The following TNRC6B variants were observed in gnomAD, a reference collection of about 807,000 sequenced individuals.
TNRC6B encodes the protein trinucleotide repeat-containing gene 6B protein.
TNRC6B carries 52 observed loss-of-function variants against 203.6 expected under a neutral mutation model. That is an observed-to-expected ratio of 0.26 (90% confidence interval 0.20 to 0.32). TNRC6B has a LOEUF of 0.32. Ranked by LOEUF, TNRC6B falls within the 10% of genes least tolerant of loss-of-function variation. The pLI is 1.00. For missense variants in TNRC6B, 1,923 were observed against 2,286.2 expected, an observed-to-expected ratio of 0.84 and a Z score of 3.24; for synonymous variants, 838 against 845.7, an observed-to-expected ratio of 0.99 and a Z score of 0.16.
chr22:40,060,823 G>A (rs1284485105), intron 1 of TNRC6B, among the ~76,000 whole-genome samples: 1 of 152,292 alleles, frequency 6.6e-6, no homozygotes, highest in East Asian at 1.9e-4. Context: ...AGGAAAGCTT[G>A]CCTGAGCCTA....
chr22:40,279,948 G>T, intron 9 of TNRC6B, 47 bp from the exon 10 acceptor site: 3 of 1,599,186 alleles, frequency 1.9e-6, no homozygotes, highest in Non-Finnish European at 2.6e-6. Context: ...GTTCATGGGG[G>T]AAACATTGAT....
At chr22:40,229,653 T>C (rs2069840359) in intron 1 of TNRC6B, among the ~76,000 whole-genome samples, 1 of 152,212 alleles carries the variant, frequency 6.6e-6, no homozygotes, top group South Asian at 2.1e-4. Context: ...ATTGATGTGC[T>C]TTCTGTCACC....
chr22:40,186,575 T>A (rs899924753), intron 1 of TNRC6B, among the ~76,000 whole-genome samples: 5 of 151,692 alleles, frequency 3.3e-5, no homozygotes, highest in Non-Finnish European at 7.4e-5. Context: ...CCGTCTCTAC[T>A]AAAAATACAA....
At chr22:40,132,725 C>A (rs1392705010) in intron 3 of TNRC6B, among the ~76,000 whole-genome samples, 1 of 148,544 alleles carries the variant, frequency 6.7e-6, no homozygotes, top group Non-Finnish European at 1.5e-5. Flanking sequence ...GGGTGGATCA[C>A]GAGGTCAGGA....
intron 1 of TNRC6B, among the ~76,000 whole-genome samples, chr22:40,083,357 T>A (rs2146290867): frequency 6.6e-6 from 1 of 152,354 alleles, no homozygotes; most frequent in Non-Finnish European, 1.5e-5. Context: ...CTGAAAGGGT[T>A]ACATGAACTA....
At chr22:40,244,289 C>T (rs1789736564) in intron 1 of TNRC6B, among the ~76,000 whole-genome samples, 1 of 152,156 alleles carries the variant, frequency 6.6e-6, no homozygotes, top group Non-Finnish European at 1.5e-5. Context: ...CAGTCTGACT[C>T]CAAAGAAATC....
At chr22:40,156,733 A>C (rs555045270) in intron 4 of TNRC6B, among the ~76,000 whole-genome samples, 1 of 148,684 alleles carries the variant, frequency 6.7e-6, no homozygotes, top group South Asian at 2.1e-4. Flanking sequence ...TAACTCCTTA[A>C]GGGGTAATTG....
intron 1 of TNRC6B, among the ~76,000 whole-genome samples, chr22:40,049,081 A>G (rs1395979384): frequency 6.6e-6 from 1 of 152,054 alleles, no homozygotes; most frequent in African/African-American, 2.4e-5. Flanking sequence ...TCATTTATTT[A>G]AAACATTTAT....
At chr22:40,132,800 C>T (rs774418057) in intron 3 of TNRC6B, among the ~76,000 whole-genome samples, 41 of 140,644 alleles carry the variant, frequency 2.9e-4, no homozygotes, top group Admixed American at 5.1e-4. Flanking sequence ...AAAAATTAGC[C>T]GAGCATGGTG....
chr22:40,238,882 T>C (rs1000648211), intron 1 of TNRC6B, among the ~76,000 whole-genome samples: 3 of 152,224 alleles, frequency 2.0e-5, no homozygotes, highest in Non-Finnish European at 4.4e-5. Flanking sequence ...CGGTTTTGTT[T>C]CTGCCAGATC....
At chr22:40,053,916 C>A (rs567912344) in intron 1 of TNRC6B, among the ~76,000 whole-genome samples, 1 of 152,172 alleles carries the variant, frequency 6.6e-6, no homozygotes, top group East Asian at 1.9e-4. Context: ...ATATTTCTCC[C>A]CTACTTAAAA....
chr22:40,107,076 G>T (rs143194424), intron 1 of TNRC6B: 2 of 719,814 alleles, frequency 2.8e-6, no homozygotes, highest in Non-Finnish European at 4.8e-6. Flanking sequence ...GGTTCCAGCC[G>T]GAAAAAGAGG....
chr22:40,134,437 G>A (rs550486744), intron 3 of TNRC6B, among the ~76,000 whole-genome samples: 1 of 152,278 alleles, frequency 6.6e-6, no homozygotes, highest in African/African-American at 2.4e-5. Flanking sequence ...AAAATCTGAG[G>A]AACTGTCACA....
At chr22:40,053,943 G>A (rs1417196392) in intron 1 of TNRC6B, among the ~76,000 whole-genome samples, 2 of 152,206 alleles carry the variant, frequency 1.3e-5, no homozygotes, top group African/African-American at 4.8e-5. Flanking sequence ...ATAACTGGGT[G>A]CACAGGCTCG....
chr22:40,315,921 C>G, intron 20 of TNRC6B, 21 bp from the exon 21 acceptor site: 1 of 1,601,896 alleles, frequency 6.2e-7, no homozygotes, highest in Non-Finnish European at 8.5e-7. Context: ...TCTTCCTAAC[C>G]ATTTTTCTGG....
chr22:40,293,271 C>T (rs892489769), intron 12 of TNRC6B, among the ~76,000 whole-genome samples: 2 of 133,368 alleles, frequency 1.5e-5, no homozygotes, highest in Non-Finnish European at 3.1e-5. Flanking sequence ...TCGCAGCTTA[C>T]TGCAACTCTG....
At chr22:40,150,371 CCA>C (rs1402967057) in intron 3 of TNRC6B, among the ~76,000 whole-genome samples, 2 of 152,004 alleles carry the variant, frequency 1.3e-5, no homozygotes, top group African/African-American at 4.8e-5. Flanking sequence ...GAGCGAGACT[CCA>C]TCTCAAAAAA....
At position 40,264,860 on chromosome 22, in the gene TNRC6B, T is replaced by G; in HGVS notation, c.630T>G (p.Ser210=). 6.2e-7 allele frequency: 1 copy of G among 1,613,894 alleles called. No individual in the cohort carries two copies. Among genetic ancestry groups the G allele is most frequent in the Non-Finnish European group, 8.5e-7 (1 of 1,179,882 alleles). The part of the protein sequence containing the change: ...WPCIASKDTE[S]SSENTTDNNS... Reference sequence around the variant, plus strand: ...GTATTGCCAGCAAAGACACTGAATCTTCTTCCGAAAACACCACCGATAACA... The same window carrying G: ...GTATTGCCAGCAAAGACACTGAATCGTCTTCCGAAAACACCACCGATAACA... Residue 210 remains serine (S), a synonymous_variant, in exon 5 of 23, where the codon TCT becomes TCG. Coordinates refer to ENST00000454349, the MANE Select transcript of TNRC6B (RefSeq NM_001162501.2).
chr22:40,136,179 AAATGT>A (rs1285090839), intron 3 of TNRC6B, among the ~76,000 whole-genome samples: 3 of 152,232 alleles, frequency 2.0e-5, no homozygotes, highest in African/African-American at 7.2e-5. Context: ...TTCTCACTTT[AAATGT>A]AATGTAACTT....
Sources: gnomAD v4.1 joint callset for allele counts (sites outside exome capture counted in the v4.1 genomes callset) on GRCh38, gnomAD v4.1.1 for gene constraint, MANE v1.5 for transcripts, NCBI Gene and HGNC (gene_info 2026-07-23, HGNC 2026-07-21) for gene names.